Variants in BSCL2 observed in about 807,000 individuals in gnomAD.
BSCL2 encodes the protein seipin.
A neutral mutation model predicts 57.4 loss-of-function variants in BSCL2; 41 were observed. That is an observed-to-expected ratio of 0.71 (90% CI 0.56 to 0.93). The LOEUF is 0.93. BSCL2 is among the 40% of genes least tolerant of loss of function. The pLI is 0.00. For missense variants in BSCL2, 539 were observed against 586.7 expected (o/e 0.92, Z 0.84); for synonymous variants, 237 against 227.3 (o/e 1.04, Z -0.38).
intron 8 of BSCL2, 22 bp from the exon 9 acceptor site, chr11:62,690,889 G>C: frequency 6.2e-7 from 1 of 1,612,448 alleles, no homozygotes. Context: ...AAGAGGGAGA[G>C]GACAGGTTAG....
intron 1 of BSCL2, chr11:62,706,465 C>T: frequency 2.5e-6 from 1 of 407,122 alleles, no homozygotes; most frequent in Non-Finnish European, 4.6e-6. Flanking sequence ...CTGGCTCTCT[C>T]TGCGGCAGGT....
chr11:62,690,706 G>T lies in BSCL2; in HGVS notation c.1154-14C>A, dbSNP rs1172887653. On this transcript the variant is annotated splice_polypyrimidine_tract_variant and intron_variant, in intron 9 of 10. Transcript: ENST00000360796. Reference sequence around the variant, plus strand: ...ACAGCTGACCCTCTGCAGCCAAAAGGGGAATGCAGGGGTCAGACCCAGACA... The same window carrying T: ...ACAGCTGACCCTCTGCAGCCAAAAGTGGAATGCAGGGGTCAGACCCAGACA... 11 of 1,613,708 alleles carry T rather than the reference G, an allele frequency of 6.8e-6. No homozygotes were observed. Among genetic ancestry groups the T allele is most frequent in the Non-Finnish European group, 9.3e-6 (11 of 1,180,022 alleles).
At position 62,705,555 on chromosome 11, in the gene BSCL2, G is replaced by A. The variant is rs746461003; in HGVS notation, c.150C>T (p.Asn50=). Residue 50 remains asparagine (N), a synonymous_variant, in exon 2 of 11, where the codon AAC becomes AAT. Transcript: ENST00000360796. ...GTCTGGCCCCAGGTTCAGGCCTTGC[G>A]TTCCTAGCTGCTCTGCCACCTGGAC... The part of the protein sequence containing the change: ...GWRPGGRAAR[N]ARPEPGARHP... The A allele has an allele frequency of 4.4e-6, 7 of 1,601,942 alleles. No individual in the cohort carries two copies. Among genetic ancestry groups the A allele is most frequent in the Middle Eastern group, 1.7e-4 (1 of 6,052 alleles).
intron 6 of BSCL2, among the ~76,000 whole-genome samples, chr11:62,691,791 C>G (rs555210304): frequency 6.6e-6 from 1 of 152,190 alleles, no homozygotes; most frequent in Non-Finnish European, 1.5e-5. Context: ...TGGCTCACGC[C>G]TGTAATCCTA....
intron 4 of BSCL2, among the ~76,000 whole-genome samples, 172 bp downstream of exon 4, chr11:62,694,396 G>A (rs905672252): frequency 5.3e-5 from 8 of 151,446 alleles, no homozygotes; most frequent in Admixed American, 3.3e-4. Flanking sequence ...TGTAGAGATG[G>A]GTTTCGCCAT....
At chr11:62,705,865 G>A (rs754955215) in intron 1 of BSCL2, 5 of 517,932 alleles carry the variant, frequency 9.7e-6, no homozygotes, top group East Asian at 3.1e-5. Context: ...TTTGATGCTG[G>A]GACAAACCAC....
chr11:62,702,069 C>G (rs1021192169), intron 3 of BSCL2, among the ~76,000 whole-genome samples: 2 of 81,484 alleles, frequency 2.5e-5, no homozygotes, highest in African/African-American at 8.0e-5. Flanking sequence ...TCCTCTTAGT[C>G]TCCTTTTTTT....
intron 3 of BSCL2, 22 bp from the exon 4 acceptor site, chr11:62,694,733 T>A (rs761148260): frequency 6.2e-7 from 1 of 1,612,428 alleles, no homozygotes; most frequent in South Asian, 1.1e-5. Context: ...AGCCCCCATT[T>A]CTTTAAAAAA....
chr11:62,694,264 T>C (rs1368618541), intron 4 of BSCL2, among the ~76,000 whole-genome samples: 1 of 132,046 alleles, frequency 7.6e-6, no homozygotes, highest in Non-Finnish European at 1.5e-5. Flanking sequence ...AGAATAGTGG[T>C]GCAATCTTGG....
chr11:62,708,396 T>C, upstream of BSCL2: 1 of 1,603,696 alleles, frequency 6.2e-7, no homozygotes, highest in Non-Finnish European at 8.5e-7. Context: ...CGGATAAAGG[T>C]AGGTGGGACC....
upstream of BSCL2, chr11:62,708,866 C>A: frequency 1.5e-6 from 2 of 1,337,898 alleles, no homozygotes; most frequent in South Asian, 2.4e-5. Context: ...TTCCTTAGGT[C>A]AGTAATTGTT....
At chr11:62,706,319 G>T in intron 1 of BSCL2, 2 of 1,123,840 alleles carry the variant, frequency 1.8e-6, no homozygotes. Context: ...GGGAAGTCCC[G>T]CCCCTCTCCG....
At chr11:62,690,574 G>C (rs1236748653) in intron 10 of BSCL2, 38 bp downstream of exon 10, 3 of 1,613,868 alleles carry the variant, frequency 1.9e-6, no homozygotes, top group African/African-American at 2.7e-5. Context: ...AGATTAACCG[G>C]GGGCCCCACC....
At chr11:62,701,995 C>A (rs1307220855) in intron 3 of BSCL2, among the ~76,000 whole-genome samples, 1 of 152,056 alleles carries the variant, frequency 6.6e-6, no homozygotes, top group East Asian at 1.9e-4. Context: ...ACATTTCTAA[C>A]ACCTGCTGCA....
chr11:62,691,037 C>G lies in BSCL2; in HGVS notation c.1072+38G>C, dbSNP rs778342612. The stretch of plus-strand genomic sequence containing the variant: ...TCCTTCTGGCCCAGCCCAGCTCAAC[C>G]TAGCCCACCTCAACAGCTCCCCAGC... On this transcript the variant is annotated intron_variant, in intron 8 of 10. Coordinates refer to ENST00000360796, the MANE Select transcript of BSCL2 (RefSeq NM_001122955.4). 4.3e-6 allele frequency: 7 copies of G among 1,612,840 alleles called. No homozygotes were observed. In the Admixed American group the frequency reaches 1.0e-4, roughly 23 times the overall value.
At chr11:62,698,596 A>G (rs951278740) in intron 3 of BSCL2, among the ~76,000 whole-genome samples, 1 of 152,244 alleles carries the variant, frequency 6.6e-6, no homozygotes, top group African/African-American at 2.4e-5. Flanking sequence ...CAGCGACCAC[A>G]TCTACTTATA....
chr11:62,694,701 TACATCAGC>T lies in BSCL2; in HGVS notation c.489_496del (p.Leu164TrpfsTer11). ...TAAGGTAACACGATACGGCTGTCCA[TACATCAGC>T]ACCTGCCAAAGGTAGCCCCCATTTC... On this transcript the variant is annotated frameshift_variant and splice_region_variant, in exon 4 of 11. Coordinates refer to ENST00000360796, the MANE Select transcript of BSCL2 (RefSeq NM_001122955.4). LOFTEE classifies it high-confidence loss of function. 6.2e-7 allele frequency: 1 copy of T among 1,614,108 alleles called. No homozygotes were observed. Among genetic ancestry groups the T allele is most frequent in the Non-Finnish European group, 8.5e-7 (1 of 1,180,010 alleles).
chr11:62,692,869 C>A, intron 4 of BSCL2, 72 bp from the exon 5 acceptor site: 3 of 1,601,176 alleles, frequency 1.9e-6, no homozygotes, highest in Non-Finnish European at 2.6e-6. Flanking sequence ...TACCCCTCAA[C>A]CACCCCTGAG....
At chr11:62,708,854 C>G, upstream of BSCL2, 3 of 1,452,392 alleles carry the variant, frequency 2.1e-6, no homozygotes, top group South Asian at 3.5e-5. Context: ...TCTCCTGGGC[C>G]CTTCCTTAGG....
Sources: allele counts gnomAD v4.1 joint callset (sites outside exome capture counted in the v4.1 genomes callset), GRCh38; gene constraint gnomAD v4.1.1; transcripts MANE v1.5; gene names NCBI Gene and HGNC (gene_info 2026-07-23, HGNC 2026-07-21).